MOB3A: variants seen among roughly 807,000 people sequenced by gnomAD.
MOB3A encodes the protein MOB kinase activator 3A.
Under a neutral mutation model 17.8 loss-of-function variants are expected in MOB3A, and 17 were observed. The observed-to-expected ratio is 0.95, with a 90% CI of 0.65 to 1.43. MOB3A has a LOEUF of 1.43. Among genes scored for constraint, MOB3A ranks in the 40% most tolerant of loss-of-function variants. The pLI, the probability that MOB3A is intolerant of heterozygous loss-of-function variation, is 0.00. For synonymous variants in MOB3A, 124 were observed against 133.2 expected, an observed-to-expected ratio of 0.93 and a Z score of 0.48; for missense variants, 333 against 310.8, an observed-to-expected ratio of 1.07 and a Z score of -0.54.
chr19:2,094,041 C>CTTTTT (rs1012593196), intron 1 of MOB3A, among the ~76,000 whole-genome samples: 20 of 113,218 alleles, frequency 1.8e-4, no homozygotes, highest in South Asian at 2.9e-4. Flanking sequence ...TATGTAAGTT[C>CTTTTT]TTTTTTTTTT....
intron 2 of MOB3A, among the ~76,000 whole-genome samples, chr19:2,081,886 AAACAC>A (rs1311664682): frequency 1.3e-5 from 2 of 152,306 alleles, no homozygotes; most frequent in East Asian, 3.9e-4. Context: ...TCTGTCTCAA[AAACAC>A]AACACAACAC....
At chr19:2,075,493 C>T (rs1312122504) in intron 4 of MOB3A, among the ~76,000 whole-genome samples, 1 of 152,068 alleles carries the variant, frequency 6.6e-6, no homozygotes, top group East Asian at 1.9e-4. Flanking sequence ...ATCAGCCGGG[C>T]GTGCTGGCTG....
At chr19:2,080,045 C>G (rs1054870540) in intron 2 of MOB3A, among the ~76,000 whole-genome samples, 3 of 152,192 alleles carry the variant, frequency 2.0e-5, no homozygotes, top group African/African-American at 7.2e-5. Flanking sequence ...CGGGCTCACG[C>G]TCACCACGCA....
At chr19:2,096,142 G>A (rs1245647541) in intron 1 of MOB3A, 84 bp downstream of exon 1, 1 of 153,438 alleles carries the variant, frequency 6.5e-6, no homozygotes, top group Non-Finnish European at 1.5e-5. Context: ...TGAGAACTCG[G>A]TCTCCTCGCC....
At chr19:2,087,943 G>A (rs563666564) in intron 1 of MOB3A, among the ~76,000 whole-genome samples, 1 of 152,206 alleles carries the variant, frequency 6.6e-6, no homozygotes, top group African/African-American at 2.4e-5. Context: ...CAGTCTGAAC[G>A]TGGGGGCAGG....
chr19:2,074,331 CCT>C (rs774063069), intron 4 of MOB3A, among the ~76,000 whole-genome samples: 84 of 151,956 alleles, frequency 5.5e-4, no homozygotes, highest in South Asian at 1.0e-3. Flanking sequence ...TTTGCTGATC[CCT>C]GTCTTATACA....
Position 2,082,408 on chromosome 19 carries a change from T to C in MOB3A, c.-120+2767A>G, listed in dbSNP as rs1292093492. ...GTGCCCAGACATCACCCAGTGTCCC[T>C]TTGGGTTAAGATTAGATCGCCCTGG... On this transcript the variant is annotated intron_variant, in intron 2 of 4. Transcript: ENST00000357066. This position sits in a 1 kb window ranked among gnomAD's most constrained non-coding sequence, Gnocchi z 4.1. Among the ~76,000 whole-genome samples, 8 of 152,272 alleles carry C rather than the reference T, an allele frequency of 5.3e-5. No homozygotes were observed. In the East Asian group the frequency reaches 1.5e-3, roughly 29 times the overall value.
At chr19:2,080,008 G>C (rs937124558) in intron 2 of MOB3A, among the ~76,000 whole-genome samples, 1 of 152,148 alleles carries the variant, frequency 6.6e-6, no homozygotes, top group African/African-American at 2.4e-5. Flanking sequence ...GCGGAGGGGC[G>C]ACCTGGATCA....
Position 2,073,375 on chromosome 19 carries a change from C to T in MOB3A, c.*20G>A, listed in dbSNP as rs1382106784. 6.2e-7 allele frequency: 1 copy of T among 1,613,160 alleles called. No homozygotes were observed. The highest frequency in any genetic ancestry group is 1.3e-5 in the African/African-American group (1 of 75,026). On this transcript the variant is annotated 3_prime_UTR_variant, in exon 5 of 5. Transcript: ENST00000357066. The stretch of plus-strand genomic sequence containing the variant: ...CGAGGCCCCAGCGGCGGTTCGGGCA[C>T]CGGGAGACCCGCGGGGCTCTCAGTG...
intron 1 of MOB3A, among the ~76,000 whole-genome samples, chr19:2,092,169 C>T (rs775090926): frequency 4.1e-5 from 6 of 144,930 alleles, no homozygotes; most frequent in African/African-American, 7.7e-5. Context: ...GGTGCAATCA[C>T]GGCTCACTGC....
chr19:2,088,071 G>A (rs974805690), intron 1 of MOB3A, among the ~76,000 whole-genome samples: 1 of 152,204 alleles, frequency 6.6e-6, no homozygotes, highest in Non-Finnish European at 1.5e-5. Context: ...CACCTGGGGG[G>A]CGATTCTGCA....
chr19:2,080,665 C>T (rs182151234), intron 2 of MOB3A, among the ~76,000 whole-genome samples: 4 of 152,268 alleles, frequency 2.6e-5, no homozygotes, highest in Non-Finnish European at 2.9e-5. Context: ...CGAGCACCAC[C>T]GCGCCCGGCT....
At chr19:2,085,821 G>C (rs972739659) in intron 1 of MOB3A, among the ~76,000 whole-genome samples, 2 of 151,536 alleles carry the variant, frequency 1.3e-5, no homozygotes, top group Non-Finnish European at 2.9e-5. Flanking sequence ...AAAAATAGCC[G>C]GGCGTAGTGG....
intron 2 of MOB3A, among the ~76,000 whole-genome samples, chr19:2,084,474 G>A (rs1181356752): frequency 6.6e-6 from 1 of 151,944 alleles, no homozygotes; most frequent in Non-Finnish European, 1.5e-5. Context: ...CAGCCCTGGT[G>A]ACAGAGTGAG....
intron 2 of MOB3A, among the ~76,000 whole-genome samples, chr19:2,081,675 G>A (rs2017491926): frequency 6.6e-6 from 1 of 152,150 alleles, no homozygotes. Context: ...CACGAGGTCA[G>A]GAGTTCAAGA....
At position 2,076,812 on chromosome 19, in the gene MOB3A, A is replaced by C. The variant is rs764660429; in HGVS notation, c.623T>G (p.Leu208Arg). Residue 208 changes from leucine (L) to arginine (R), a missense_variant and splice_region_variant, in exon 4 of 5, where the codon CTG (leucine) becomes CGG (arginine). Transcript: ENST00000357066. ...GLIDTKELEP[L>R]KEMTARMCH is the part of the protein sequence containing the mutation. Reference sequence around the variant, plus strand: ...GCCCTCAGCCCCAAGCCCGCGCACCAGTGGCTCCAGCTCCTTGGTGTCGAT... The same window carrying C: ...GCCCTCAGCCCCAAGCCCGCGCACCCGTGGCTCCAGCTCCTTGGTGTCGAT... 1.2e-6 allele frequency: 2 copies of C among 1,613,612 alleles called. 1 individual carries two copies. The highest frequency in any genetic ancestry group is 1.7e-6 in the Non-Finnish European group (2 of 1,179,958).
intron 1 of MOB3A, among the ~76,000 whole-genome samples, chr19:2,088,614 G>A (rs527898057): frequency 6.6e-6 from 1 of 152,108 alleles, no homozygotes; most frequent in East Asian, 1.9e-4. Flanking sequence ...CTACAGGTGC[G>A]CACCACCACA....
At chr19:2,094,317 G>A (rs1045423478) in intron 1 of MOB3A, among the ~76,000 whole-genome samples, 11 of 152,090 alleles carry the variant, frequency 7.2e-5, no homozygotes, top group African/African-American at 2.2e-4. Flanking sequence ...AAAGTGTTGG[G>A]ATCACAGGCA....
chr19:2,096,421 C>CA (rs1267430028), upstream of MOB3A: 1 of 155,574 alleles, frequency 6.4e-6, no homozygotes, highest in Non-Finnish European at 1.4e-5. Flanking sequence ...AAGCGGCGTG[C>CA]AGGGGTCTCC....
Sources: allele counts gnomAD v4.1 joint callset (sites outside exome capture counted in the v4.1 genomes callset), GRCh38; gene constraint gnomAD v4.1.1; non-coding constraint Gnocchi (gnomAD v3.1); transcripts MANE v1.5; gene names NCBI Gene and HGNC (gene_info 2026-07-23, HGNC 2026-07-21).